The following TRAF2 variants were observed in gnomAD, a reference collection of about 807,000 sequenced individuals.
TRAF2 encodes the protein TNF receptor-associated factor 2.
Under a neutral mutation model 55.6 loss-of-function variants are expected in TRAF2, and 6 were observed. The observed-to-expected ratio is 0.11, with a 90% CI of 0.06 to 0.21. The LOEUF (loss-of-function observed/expected upper bound fraction) is 0.21, where lower values mean the gene tolerates loss of function less well. Ranked by LOEUF, TRAF2 falls within the 10% of genes least tolerant of loss-of-function variation. The probability of loss-of-function intolerance (pLI) is 1.00; values close to 1 mark genes in which losing one functional copy is unlikely to be tolerated. For missense variants in TRAF2, 561 were observed against 684.5 expected (o/e 0.82, Z 2.01); for synonymous variants, 329 against 276.3 (o/e 1.19, Z -1.89).
chr9:136,886,547 G>GCGAGCGCGGGGTCGGGTGCGGGGT lies in TRAF2; in HGVS notation c.-29+9_-29+32dup. Reference sequence around the variant, plus strand: ...GGGCGCGCTGCGACCGTTGGGTGAGGCGAGCGCGGGGTCGGGTGCGGGGTC... The same window carrying GCGAGCGCGGGGTCGGGTGCGGGGT: ...GGGCGCGCTGCGACCGTTGGGTGAGGCGAGCGCGGGGTCGGGTGCGGGGTCGAGCGCGGGGTCGGGTGCGGGGTC... On this transcript the variant is annotated splice_region_variant and intron_variant, in intron 1 of 10. Transcript: ENST00000247668. The GCGAGCGCGGGGTCGGGTGCGGGGT allele has an allele frequency of 1.0e-6, 1 of 987,370 alleles. No homozygotes were observed. The highest frequency in any genetic ancestry group is 1.2e-6 in the Non-Finnish European group (1 of 831,598). 61.2% of individuals were successfully genotyped at this position (987,370 alleles called of 1,614,324 possible).
intron 2 of TRAF2, 112 bp downstream of exon 2, chr9:136,899,040 CCA>C: frequency 1.9e-6 from 2 of 1,040,500 alleles, no homozygotes; most frequent in South Asian, 3.3e-5. Context: ...TAGATGTGCT[CCA>C]GTTATCGATA....
chr9:136,897,407 G>A (rs1849704312), intron 1 of TRAF2, among the ~76,000 whole-genome samples: 1 of 152,224 alleles, frequency 6.6e-6, no homozygotes, highest in Non-Finnish European at 1.5e-5. Flanking sequence ...GGGCAGGGCT[G>A]GCACATGGAG....
intron 3 of TRAF2, among the ~76,000 whole-genome samples, chr9:136,900,169 TAA>T (rs758259445): frequency 9.4e-6 from 1 of 106,704 alleles, no homozygotes. Flanking sequence ...ACCCCTCCTT[TAA>T]AAAAAAAAAA....
At chr9:136,917,289 C>T (rs1376482172) in intron 7 of TRAF2, among the ~76,000 whole-genome samples, 1 of 152,244 alleles carries the variant, frequency 6.6e-6, no homozygotes, top group Non-Finnish European at 1.5e-5. Flanking sequence ...CTCCCCTCAG[C>T]TATCTCCTCT....
intron 5 of TRAF2, among the ~76,000 whole-genome samples, chr9:136,909,060 A>T (rs1279071833): frequency 1.3e-5 from 2 of 151,764 alleles, no homozygotes; most frequent in African/African-American, 2.4e-5. Flanking sequence ...AAGAAAAAAA[A>T]TTTTTAAAAA....
chr9:136,925,617 A>C, intron 10 of TRAF2, 66 bp from the exon 11 acceptor site: 1 of 1,542,118 alleles, frequency 6.5e-7, no homozygotes, highest in Non-Finnish European at 8.9e-7. Context: ...CAGTGTCCAG[A>C]CCCTCGGGAG....
intron 1 of TRAF2, 111 bp from the exon 2 acceptor site, chr9:136,898,602 C>T: frequency 2.0e-6 from 3 of 1,494,344 alleles, no homozygotes; most frequent in Non-Finnish European, 2.7e-6. Flanking sequence ...GACCGCAGGT[C>T]AGTGGGGACC....
At position 136,921,429 on chromosome 9, in the gene TRAF2, G is replaced by C. The variant is rs960101694; in HGVS notation, c.1138+214G>C. The stretch of plus-strand genomic sequence containing the variant: ...CCTCGGGCAGGGGTCGGGGTAGGGG[G>C]GTTGGGCCGGCTGCCCTCCTGCCGT... On this transcript the variant is annotated intron_variant, in intron 9 of 10. Transcript: ENST00000247668. Among the ~76,000 whole-genome samples the C allele has an allele frequency of 5.3e-5, 8 of 152,176 alleles. No homozygotes were observed. The South Asian group carries it at 1.7e-3, about 32-fold the overall frequency.
At chr9:136,885,975 C>G (rs961023620), upstream of TRAF2, 1 of 152,242 alleles carries the variant, frequency 6.6e-6, no homozygotes, top group East Asian at 1.9e-4. Flanking sequence ...CGCCCGGCAC[C>G]GGGGGAGGCG....
chr9:136,894,548 G>C (rs1022805182), intron 1 of TRAF2, among the ~76,000 whole-genome samples: 2 of 152,054 alleles, frequency 1.3e-5, no homozygotes, highest in Admixed American at 1.3e-4. Context: ...TCCAAGCAGG[G>C]CAAAGGTGTT....
Position 136,926,015 on chromosome 9 carries a change from G to C in TRAF2, c.*114G>C, listed in dbSNP as rs1238293685. On this transcript the variant is annotated 3_prime_UTR_variant, in exon 11 of 11. Coordinates refer to ENST00000247668, the MANE Select transcript of TRAF2 (RefSeq NM_021138.4). ...ACAAGTGGGCAGGGGCCGCGCTTGGGCGCTTGGGAGGGTGTCGGCCTGCAG... is the reference window on the plus strand; with the variant it reads ...ACAAGTGGGCAGGGGCCGCGCTTGGCCGCTTGGGAGGGTGTCGGCCTGCAG... The C allele has an allele frequency of 1.5e-6, 2 of 1,315,346 alleles. No homozygotes were observed. Among genetic ancestry groups the C allele is most frequent in the Non-Finnish European group, 2.2e-6 (2 of 925,348 alleles). The allele number at this position is 1,315,346 out of a possible 1,614,324, so 81.5% of individuals were successfully genotyped here.
chr9:136,916,511 A>C, intron 6 of TRAF2, 30 bp from the exon 7 acceptor site: 1 of 1,611,208 alleles, frequency 6.2e-7, no homozygotes, highest in Non-Finnish European at 8.5e-7. Flanking sequence ...GAACAGAGAA[A>C]GATGGCTCTG....
At chr9:136,916,467 A>G (rs1850244333) in intron 6 of TRAF2, 74 bp from the exon 7 acceptor site, 6 of 1,457,868 alleles carry the variant, frequency 4.1e-6, no homozygotes, top group African/African-American at 1.4e-5. Flanking sequence ...TGTGTCAGTC[A>G]GTGTGGTCCA....
chr9:136,926,454 C>CAGA lies in TRAF2; in HGVS notation c.*553_*554insAGA. 1 of 222,038 alleles carries CAGA rather than the reference C, an allele frequency of 4.5e-6. No homozygotes were observed. Among genetic ancestry groups the CAGA allele is most frequent in the South Asian group, 6.5e-5 (1 of 15,270 alleles). The allele number at this position is 222,038 out of a possible 1,614,324, so 13.8% of individuals were successfully genotyped here. A position where few individuals can be genotyped will look rare whatever the true frequency, so the allele number is the denominator to read the frequency against. ...TGTCTGCACAGAGCTCTGGTCTGTG[C>CAGA]CACCTTGGCCAGGCTGGCTGTGGGA... On this transcript the variant is annotated 3_prime_UTR_variant, in exon 11 of 11. Transcript: ENST00000247668.
At chr9:136,884,255 C>G (rs1435121655), upstream of TRAF2, among the ~76,000 whole-genome samples, 1 of 149,414 alleles carries the variant, frequency 6.7e-6, no homozygotes. Context: ...GCTGTTTTTT[C>G]TTTTTTAAAA....
intron 7 of TRAF2, among the ~76,000 whole-genome samples, chr9:136,919,979 A>C (rs1280516474): frequency 6.6e-6 from 1 of 152,174 alleles, no homozygotes; most frequent in Non-Finnish European, 1.5e-5. Flanking sequence ...TGGCCTTCTG[A>C]AGTGCTGGAA....
At position 136,926,056 on chromosome 9, in the gene TRAF2, C is replaced by G. The variant is rs775336386; in HGVS notation, c.*155C>G. The G allele has an allele frequency of 3.2e-6, 3 of 926,242 alleles. No individual in the cohort carries two copies. 57.4% of individuals were successfully genotyped at this position (926,242 alleles called of 1,614,324 possible). Reference sequence around the variant, plus strand: ...CGGCCTGCAGCCAAGTTCACTGTCACGGGGGAAGGAGCCACCAGCCAGTCC... The same window carrying G: ...CGGCCTGCAGCCAAGTTCACTGTCAGGGGGGAAGGAGCCACCAGCCAGTCC... On this transcript the variant is annotated 3_prime_UTR_variant, in exon 11 of 11. Transcript: ENST00000247668.
rs113149004 is a variant in TRAF2, at chr9:136,898,527, G to A, written c.-28-186G>A. Reference sequence around the variant, plus strand: ...GAGCCTGAGTTTCCATACTAGCGGCGGGAGATGGGACTAGAGGGTCTCCAA... The same window carrying A: ...GAGCCTGAGTTTCCATACTAGCGGCAGGAGATGGGACTAGAGGGTCTCCAA... On this transcript the variant is annotated intron_variant, in intron 1 of 10. Transcript: ENST00000247668. 6.4e-5 allele frequency: 61 copies of A among 955,198 alleles called. No homozygotes were observed. The African/African-American group carries it at 7.2e-4, about 11-fold the overall frequency. The allele number at this position is 955,198 out of a possible 1,614,324, so 59.2% of individuals were successfully genotyped here. A position where few individuals can be genotyped will look rare whatever the true frequency, so the allele number is the denominator to read the frequency against.
chr9:136,900,554 G>A (rs1165118131), intron 4 of TRAF2, 34 bp downstream of exon 4: 8 of 1,585,132 alleles, frequency 5.0e-6, no homozygotes, highest in East Asian at 2.2e-5. Context: ...GGTGACAGAA[G>A]CTCCAGCAGT....
Sources: allele counts gnomAD v4.1 joint callset (sites outside exome capture counted in the v4.1 genomes callset), GRCh38; gene constraint gnomAD v4.1.1; transcripts MANE v1.5; gene names NCBI Gene and HGNC (gene_info 2026-07-23, HGNC 2026-07-21).